Variants in SNTG1 observed in about 807,000 individuals in gnomAD.
SNTG1 encodes syntrophin gamma 1.
Under a neutral mutation model 74.7 loss-of-function variants are expected in SNTG1, and 39 were observed. The ratio of observed to expected loss-of-function variants is 0.52; its 90% CI spans 0.40 to 0.68. SNTG1 has a LOEUF of 0.68. Among genes scored for constraint, SNTG1 ranks in the 30% least tolerant of loss-of-function variants. The probability of loss-of-function intolerance (pLI) is 0.00; values close to 1 mark genes in which losing one functional copy is unlikely to be tolerated. For missense variants in SNTG1, 685 were observed against 609.5 expected (o/e 1.12, Z -1.30); for synonymous variants, 254 against 217.1 (o/e 1.17, Z -1.49).
At chr8:50,011,009 A>G (rs1815742478) in intron 1 of SNTG1, among the ~76,000 whole-genome samples, 1 of 152,134 alleles carries the variant, frequency 6.6e-6, no homozygotes, top group African/African-American at 2.4e-5. Context: ...GTGAATGAAT[A>G]AAATGAGACT....
chr8:50,094,060 C>T (rs546031111), intron 1 of SNTG1, among the ~76,000 whole-genome samples: 1 of 152,172 alleles, frequency 6.6e-6, no homozygotes, highest in African/African-American at 2.4e-5. Context: ...CAGTATGCGG[C>T]TTGAAGATAC....
rs116915817 is a variant in SNTG1 at position 50,696,699 on chromosome 8, A to G, written c.1039-7901A>G. 1.0e-3 allele frequency among the ~76,000 whole-genome samples: 157 copies of G among 152,020 alleles called. 1 individual carries two copies. The highest frequency in any genetic ancestry group is 7.7e-3 in the South Asian group (37 of 4,816). On this transcript the variant is annotated intron_variant, in intron 15 of 18. Coordinates refer to ENST00000642720, the MANE Select transcript of SNTG1 (RefSeq NM_018967.5). ...CCATTTATGAAATAAGATGTCCTTTACCCAGTGTATATTCTTGTTGACTTT... is the reference window on the plus strand; with the variant it reads ...CCATTTATGAAATAAGATGTCCTTTGCCCAGTGTATATTCTTGTTGACTTT...
chr8:50,534,606 C>G (rs985439350), intron 10 of SNTG1, among the ~76,000 whole-genome samples: 9 of 152,104 alleles, frequency 5.9e-5, no homozygotes, highest in African/African-American at 2.2e-4. Context: ...CATGGTGAAA[C>G]CCCTTCTCTA....
intron 2 of SNTG1, among the ~76,000 whole-genome samples, chr8:50,266,193 A>G (rs1046029598): frequency 3.9e-5 from 6 of 152,144 alleles, no homozygotes; most frequent in African/African-American, 1.4e-4. Context: ...TACTCACTTC[A>G]AAGCCACAGT....
intron 8 of SNTG1, among the ~76,000 whole-genome samples, chr8:50,492,534 G>C (rs1257827950): frequency 6.6e-6 from 1 of 152,172 alleles, no homozygotes; most frequent in Non-Finnish European, 1.5e-5. Context: ...CCACATAAAT[G>C]CCTCCTTTTG....
rs1228594001 is a variant in SNTG1 at position 50,730,017 on chromosome 8, G to A, written c.1284+21039G>A. On this transcript the variant is annotated intron_variant, in intron 17 of 18. Transcript: ENST00000642720. ...CCGTATTCACTACACGGACTGCGAT[G>A]CTAAAAAGTAGTTGGATAAGAAAAA... 2.0e-5 allele frequency among the ~76,000 whole-genome samples: 3 copies of A among 152,096 alleles called. No homozygotes were observed. The East Asian group carries it at 5.8e-4, about 29-fold the overall frequency.
intron 18 of SNTG1, among the ~76,000 whole-genome samples, chr8:50,783,797 G>C (rs970054811): frequency 6.6e-6 from 1 of 152,192 alleles, no homozygotes; most frequent in Middle Eastern, 3.2e-3. Flanking sequence ...CGTCGCTCAC[G>C]CTGGGAGCTG....
At chr8:50,529,993 C>A (rs1171753352) in intron 9 of SNTG1, among the ~76,000 whole-genome samples, 184 bp from the exon 10 acceptor site, 2 of 151,960 alleles carry the variant, frequency 1.3e-5, no homozygotes, top group Non-Finnish European at 2.9e-5. Context: ...TTTTAGTGCC[C>A]AGATACCTGT....
intron 2 of SNTG1, among the ~76,000 whole-genome samples, chr8:50,241,399 G>A (rs2086157895): frequency 1.3e-5 from 2 of 148,882 alleles, no homozygotes; most frequent in African/African-American, 4.8e-5. Flanking sequence ...AATGGTTCCA[G>A]GTAAATGGAA....
At chr8:50,242,736 A>C (rs757220437) in intron 2 of SNTG1, among the ~76,000 whole-genome samples, 2 of 150,108 alleles carry the variant, frequency 1.3e-5, no homozygotes, top group Admixed American at 1.3e-4. Context: ...TGATATTATT[A>C]CTATAATAAT....
chr8:50,231,522 A>G (rs1036860792), intron 2 of SNTG1, among the ~76,000 whole-genome samples: 3 of 151,384 alleles, frequency 2.0e-5, no homozygotes, highest in Non-Finnish European at 4.5e-5. Context: ...AAAATGTAAT[A>G]TATATGGAAA....
intron 17 of SNTG1, among the ~76,000 whole-genome samples, chr8:50,716,368 C>T (rs540570694): frequency 2.0e-5 from 3 of 152,164 alleles, no homozygotes; most frequent in African/African-American, 7.2e-5. Flanking sequence ...ATAGTTCTGA[C>T]AATATTCACA....
intron 1 of SNTG1, among the ~76,000 whole-genome samples, chr8:50,112,045 C>A (rs1048080511): frequency 8.6e-5 from 13 of 151,808 alleles, no homozygotes; most frequent in African/African-American, 2.7e-4. Context: ...TTTAGTAGTA[C>A]TGGAAAAATG....
intron 1 of SNTG1, among the ~76,000 whole-genome samples, chr8:49,949,836 A>G (rs1252894241): frequency 6.6e-6 from 1 of 152,226 alleles, no homozygotes; most frequent in Non-Finnish European, 1.5e-5. Context: ...AGTATATTTC[A>G]GTTACTATTA....
intron 8 of SNTG1, among the ~76,000 whole-genome samples, chr8:50,487,120 A>C (rs989361577): frequency 2.0e-5 from 3 of 152,194 alleles, no homozygotes; most frequent in Non-Finnish European, 2.9e-5. Flanking sequence ...GAGAAATGCA[A>C]ATCAAAACCA....
chr8:50,025,076 C>T (rs1398215176), intron 1 of SNTG1, among the ~76,000 whole-genome samples: 1 of 152,110 alleles, frequency 6.6e-6, no homozygotes, highest in African/African-American at 2.4e-5. Flanking sequence ...GTTGTATTTA[C>T]TGAAATGTAG....
At chr8:50,053,452 T>C (rs956775376) in intron 1 of SNTG1, among the ~76,000 whole-genome samples, 2 of 152,056 alleles carry the variant, frequency 1.3e-5, no homozygotes, top group Admixed American at 6.6e-5. Flanking sequence ...TAGGGAATGA[T>C]ATTTTTCTTT....
chr8:50,691,359 T>C (rs1241188980), intron 15 of SNTG1, among the ~76,000 whole-genome samples: 1 of 152,242 alleles, frequency 6.6e-6, no homozygotes, highest in Non-Finnish European at 1.5e-5. Flanking sequence ...GTCTTTACAA[T>C]TTGGCATATT....
rs577373701 is a variant in SNTG1 at position 50,270,254 on chromosome 8, C to T, written c.-28+97619C>T. Among the ~76,000 whole-genome samples, 15 of 152,060 alleles carry T rather than the reference C, an allele frequency of 9.9e-5. No homozygotes were observed. The South Asian group carries it at 1.2e-3, about 13-fold the overall frequency. ...TATTTTTGTCCTATAGAGTGACAGA[C>T]GCTATTAAAAGTGTTTCAGTGGGGC... On this transcript the variant is annotated intron_variant, in intron 2 of 18. Coordinates refer to ENST00000642720, the MANE Select transcript of SNTG1 (RefSeq NM_018967.5).
Sources: allele counts gnomAD v4.1 joint callset (sites outside exome capture counted in the v4.1 genomes callset), GRCh38; gene constraint gnomAD v4.1.1; transcripts MANE v1.5; gene names NCBI Gene and HGNC (gene_info 2026-07-23, HGNC 2026-07-21).